The following POLI variants were observed in gnomAD, a reference collection of about 807,000 sequenced individuals.
POLI encodes the protein RAD30 homolog B.
In POLI, 58 loss-of-function variants were observed where a neutral mutation model predicts 51.6. The ratio of observed to expected loss-of-function variants is 1.12; its 90% CI spans 0.91 to 1.40. The LOEUF (loss-of-function observed/expected upper bound fraction) is 1.40. POLI is among the 40% of genes most tolerant of loss of function. The pLI, the probability that POLI is intolerant of heterozygous loss-of-function variation, is 0.00. For synonymous variants in POLI, 322 were observed against 299.7 expected (o/e 1.07, Z -0.77); for missense variants, 921 against 871.3 (o/e 1.06, Z -0.72).
At position 54,298,113 on chromosome 18, in the gene POLI, T is replaced by TA. The variant is rs2088421330; in HGVS notation, c.*3653dup. On this transcript the variant is annotated 3_prime_UTR_variant, in exon 10 of 10. Coordinates refer to ENST00000579534, the MANE Select transcript of POLI (RefSeq NM_007195.3). ...ATCAAATCTGGATTGTTTTCAATAT[T>TA]AAAAAAACTTCTATTTTAAAATCTG... 5 of 931,216 alleles carry TA rather than the reference T, an allele frequency of 5.4e-6. No individual in the cohort carries two copies. Among genetic ancestry groups the TA allele is most frequent in the African/African-American group, 3.6e-5 (2 of 56,318 alleles). 57.7% of individuals were successfully genotyped at this position (931,216 alleles called of 1,614,324 possible). A position where few individuals can be genotyped will look rare whatever the true frequency, so the allele number is the denominator to read the frequency against.
At position 54,305,672 on chromosome 18, in the gene POLI, G is replaced by A. The variant is rs1458310614; in HGVS notation, c.334-14601G>A. On this transcript the variant is annotated intron_variant, in intron 3 of 4. Coordinates refer to the POLI transcript ENST00000579823. ...AGGAGGTTTTGGGCTGAGACGATGG[G>A]GTTTTCTAAATATACAATCATGTCA... Among the ~76,000 whole-genome samples, 33 of 102,988 alleles carry A rather than the reference G, an allele frequency of 3.2e-4. 3 individuals are homozygous for A. The highest frequency in any genetic ancestry group is 1.1e-3 in the African/African-American group (33 of 30,612). The allele number at this position is 102,988 out of a possible 152,430, so 67.6% of individuals were successfully genotyped here.
intron 3 of POLI, among the ~76,000 whole-genome samples, chr18:54,319,665 G>C (rs779033821): frequency 6.6e-6 from 1 of 151,966 alleles, no homozygotes; most frequent in East Asian, 1.9e-4. Flanking sequence ...TATTATATAT[G>C]GTACCTTCTG....
intron 9 of POLI, among the ~76,000 whole-genome samples, chr18:54,293,379 A>G (rs1004548599): frequency 1.3e-5 from 2 of 151,958 alleles, no homozygotes; most frequent in Non-Finnish European, 2.9e-5. Context: ...CATGATTGTT[A>G]CAATCTTCCC....
chr18:54,304,287 T>G (rs529883724), intron 3 of POLI, among the ~76,000 whole-genome samples: 4 of 152,316 alleles, frequency 2.6e-5, no homozygotes, highest in Middle Eastern at 3.4e-3. Flanking sequence ...GTAATGGGAT[T>G]GCTGGGTCAA....
At chr18:54,319,650 G>C (rs2088771602) in intron 3 of POLI, among the ~76,000 whole-genome samples, 1 of 152,012 alleles carries the variant, frequency 6.6e-6, no homozygotes, top group Non-Finnish European at 1.5e-5. Context: ...TTGTGGGATT[G>C]TTATTATTAT....
Position 54,294,566 on chromosome 18 carries a change from A to G in POLI, c.*99A>G. 2.9e-6 allele frequency: 4 copies of G among 1,402,134 alleles called. No individual in the cohort carries two copies. Among genetic ancestry groups the G allele is most frequent in the East Asian group, 2.5e-5 (1 of 39,618 alleles). 86.9% of individuals were successfully genotyped at this position (1,402,134 alleles called of 1,614,324 possible). On this transcript the variant is annotated 3_prime_UTR_variant, in exon 10 of 10. Transcript: ENST00000579534. ...TATATTAAACACTAATAGATATTCA[A>G]TAACGGAGTAAACTGTTCCAGATAA...
Position 54,269,661 on chromosome 18 carries a change from G to A in POLI, c.115G>A (p.Gly39Arg). 1 of 1,505,788 alleles carries A rather than the reference G, an allele frequency of 6.6e-7. No homozygotes were observed. 93.3% of individuals were successfully genotyped at this position (1,505,788 alleles called of 1,614,324 possible). Reference protein sequence around the residue: ...ADVGAAASSQGVHDQVLPTPN... With the variant: ...ADVGAAASSQRVHDQVLPTPN... ...CGTGGGGGCGGCAGCCAGCTCGCAG[G>A]GTGCGCCGCAGCCAGAGGAGCCAGC... Residue 39 changes from glycine to arginine, a missense_variant and splice_region_variant, in exon 1 of 10, where the codon GGA becomes AGA. Gly to Arg is a moderately radical substitution (Grantham distance 125, BLOSUM62 -2). Transcript: ENST00000579534.
intron 7 of POLI, among the ~76,000 whole-genome samples, chr18:54,286,154 G>A (rs781162750): frequency 1.2e-4 from 19 of 152,132 alleles, no homozygotes; most frequent in Admixed American, 2.0e-4. Flanking sequence ...ACGAGGCACC[G>A]TGCCTGGCCC....
chr18:54,296,152 CTT>C lies in POLI; in HGVS notation c.*1689_*1690del. On this transcript the variant is annotated 3_prime_UTR_variant, in exon 10 of 10. Transcript: ENST00000579534. ...TTAAACTTATGAAAAGGGTATATAA[CTT>C]TTTGTAAATCATTAAAACATTTTAT... The C allele has an allele frequency of 1.0e-6, 1 of 983,612 alleles. No homozygotes were observed. The highest frequency in any genetic ancestry group is 1.2e-6 in the Non-Finnish European group (1 of 828,374). The allele number at this position is 983,612 out of a possible 1,614,324, so 60.9% of individuals were successfully genotyped here. A position where few individuals can be genotyped will look rare whatever the true frequency, so the allele number is the denominator to read the frequency against.
At chr18:54,271,565 T>A in intron 2 of POLI, 80 bp downstream of exon 2, 1 of 995,414 alleles carries the variant, frequency 1.0e-6, no homozygotes, top group Non-Finnish European at 1.4e-6. Context: ...ACTGATTTAT[T>A]AACCTTATTA....
rs769017541 is a variant in POLI, at chr18:54,283,030, T to G, written c.975+15T>G. 3 of 1,504,572 alleles carry G rather than the reference T, an allele frequency of 2.0e-6. No individual in the cohort carries two copies. In the East Asian group the frequency reaches 6.8e-5, roughly 34 times the overall value. 93.2% of individuals were successfully genotyped at this position (1,504,572 alleles called of 1,614,324 possible). A position where few individuals can be genotyped will look rare whatever the true frequency, so the allele number is the denominator to read the frequency against. On this transcript the variant is annotated intron_variant, in intron 6 of 9. Transcript: ENST00000579534. ...GACCACCTCAGGTACATGATGATAC[T>G]TATTTTAATTAAGTACTGGTTATCA... is the stretch of plus-strand genomic sequence containing the variant.
At chr18:54,304,791 T>C (rs2088553694) in intron 3 of POLI, among the ~76,000 whole-genome samples, 1 of 152,238 alleles carries the variant, frequency 6.6e-6, no homozygotes, top group African/African-American at 2.4e-5. Context: ...CAATTTTGGC[T>C]TTTGTTGCCA....
At position 54,296,749 on chromosome 18, in the gene POLI, A is replaced by G. The variant is rs377046572; in HGVS notation, c.*2282A>G. 8 of 312,440 alleles carry G rather than the reference A, an allele frequency of 2.6e-5. No homozygotes were observed. The highest frequency in any genetic ancestry group is 1.6e-3 in the Middle Eastern group (1 of 618). 19.4% of individuals were successfully genotyped at this position (312,440 alleles called of 1,614,324 possible). A position where few individuals can be genotyped will look rare whatever the true frequency, so the allele number is the denominator to read the frequency against. On this transcript the variant is annotated 3_prime_UTR_variant, in exon 10 of 10. Coordinates refer to ENST00000579534, the MANE Select transcript of POLI (RefSeq NM_007195.3). ...ATTTTTCAGTAGCATCTCACCTGCTATTTAAAACAATGATGGTTTTAATTT... is the reference window on the plus strand; with the variant it reads ...ATTTTTCAGTAGCATCTCACCTGCTGTTTAAAACAATGATGGTTTTAATTT...
At chr18:54,280,646 T>G in intron 4 of POLI, 21 bp from the exon 5 acceptor site, 1 of 1,477,438 alleles carries the variant, frequency 6.8e-7, no homozygotes, top group Non-Finnish European at 9.4e-7. Context: ...TGACTTTGAA[T>G]GACATTTGTT....
At chr18:54,269,760 C>T (rs2086916798) in intron 1 of POLI, 99 bp downstream of exon 1, 5 of 1,395,854 alleles carry the variant, frequency 3.6e-6, no homozygotes, top group Non-Finnish European at 4.6e-6. Context: ...GCGCGACCGT[C>T]CCCGCCCCAC....
At chr18:54,308,163 T>C (rs945538863) in intron 3 of POLI, among the ~76,000 whole-genome samples, 1 of 152,226 alleles carries the variant, frequency 6.6e-6, no homozygotes, top group Non-Finnish European at 1.5e-5. Context: ...GTTGATGCAG[T>C]TTCTTCCTAG....
intron 8 of POLI, among the ~76,000 whole-genome samples, chr18:54,291,078 T>C (rs2087988624): frequency 6.6e-6 from 1 of 151,954 alleles, no homozygotes; most frequent in South Asian, 2.1e-4. Flanking sequence ...CAGTAAGGAG[T>C]GTATGGGGAG....
chr18:54,294,664 C>G lies in POLI; in HGVS notation c.*197C>G. ...ATAACAGAAGAAATAATGTAAAATA[C>G]TATCTTTTATGTCTAAAGCCATTTT... On this transcript the variant is annotated 3_prime_UTR_variant, in exon 10 of 10. Coordinates refer to ENST00000579534, the MANE Select transcript of POLI (RefSeq NM_007195.3). The G allele has an allele frequency of 3.2e-6, 4 of 1,234,684 alleles. No individual in the cohort carries two copies. In the South Asian group the frequency reaches 1.3e-4, roughly 40 times the overall value. 76.5% of individuals were successfully genotyped at this position (1,234,684 alleles called of 1,614,324 possible). A position where few individuals can be genotyped will look rare whatever the true frequency, so the allele number is the denominator to read the frequency against.
chr18:54,303,646 T>C (rs2144633180), intron 3 of POLI, among the ~76,000 whole-genome samples: 1 of 152,284 alleles, frequency 6.6e-6, no homozygotes, highest in African/African-American at 2.4e-5. Flanking sequence ...TTGCTTCTGC[T>C]GGCACTTGGA....
Sources: gnomAD v4.1 joint callset for allele counts (sites outside exome capture counted in the v4.1 genomes callset) on GRCh38, gnomAD v4.1.1 for gene constraint, MANE v1.5 for transcripts, NCBI Gene and HGNC (gene_info 2026-07-23, HGNC 2026-07-21) for gene names.